The following ABAT variants were observed in gnomAD, a reference collection of about 807,000 sequenced individuals.
ABAT encodes the protein 4-aminobutyrate aminotransferase, mitochondrial.
ABAT carries 45 observed loss-of-function variants against 64.6 expected under a neutral mutation model. That is an observed-to-expected ratio of 0.70 (90% CI 0.55 to 0.89). ABAT has a LOEUF of 0.89. ABAT is among the 40% of genes least tolerant of loss of function. The pLI, the probability that ABAT is intolerant of heterozygous loss-of-function variation, is 0.00. For synonymous variants in ABAT, 297 were observed against 250.5 expected (o/e 1.19, Z -1.75); for missense variants, 633 against 658.4 (o/e 0.96, Z 0.42).
rs1036299078 is a variant in ABAT, at chr16:8,722,760, T to TC, written c.-41-12935dup. ...ACCAGGAATCCTTCACCTGCTTCTT[T>TC]CCCCAGATGCGCCCATCCAGGGTCT... On this transcript the variant is annotated intron_variant, in intron 1 of 15. Transcript: ENST00000268251. 4.0e-6 allele frequency: 5 copies of TC among 1,243,524 alleles called. No homozygotes were observed. In the Admixed American group the frequency reaches 1.2e-4, roughly 29 times the overall value. 77.0% of individuals were successfully genotyped at this position (1,243,524 alleles called of 1,614,324 possible).
At chr16:8,723,797 G>C (rs2058444507) in intron 1 of ABAT, among the ~76,000 whole-genome samples, 1 of 127,840 alleles carries the variant, frequency 7.8e-6, no homozygotes, top group African/African-American at 3.1e-5. Context: ...CAGTGGTTTG[G>C]ATCCAAGCTT....
chr16:8,770,960 T>G (rs777820282), intron 11 of ABAT, among the ~76,000 whole-genome samples: 1 of 152,210 alleles, frequency 6.6e-6, no homozygotes, highest in Non-Finnish European at 1.5e-5. Context: ...ATTCAGTTTT[T>G]GAAACACTGT....
chr16:8,763,769 A>G (rs2059862567), intron 6 of ABAT, among the ~76,000 whole-genome samples: 1 of 152,232 alleles, frequency 6.6e-6, no homozygotes. Context: ...TGCAAAAACC[A>G]GTACAAAGAG....
At position 8,759,330 on chromosome 16, in the gene ABAT, T is replaced by G. The variant is rs147085448; in HGVS notation, c.366+1524T>G. Among the ~76,000 whole-genome samples, 260 of 151,992 alleles carry G rather than the reference T, an allele frequency of 1.7e-3. 1 individual carries two copies. Among genetic ancestry groups the G allele is most frequent in the African/African-American group, 6.0e-3 (250 of 41,436 alleles). ...GTACATATGGAGTGTATCTGTGTGTTGTATTTATGTCCGTGCTTTACATGG... is the reference window on the plus strand; with the variant it reads ...GTACATATGGAGTGTATCTGTGTGTGGTATTTATGTCCGTGCTTTACATGG... On this transcript the variant is annotated intron_variant, in intron 6 of 15. Coordinates refer to ENST00000268251, the MANE Select transcript of ABAT (RefSeq NM_020686.6).
rs1388133455 is a variant in ABAT, at chr16:8,776,130, TG to T, written c.1123-212del. 6.6e-6 allele frequency among the ~76,000 whole-genome samples: 1 copy of T among 152,212 alleles called. No homozygotes were observed. Among genetic ancestry groups the T allele is most frequent in the African/African-American group, 2.4e-5 (1 of 41,456 alleles). ...CAGTTCCTACATGCAGGGCTGCTGTTGGAAGAATTCAGCAAGATTGGGTGTG... is the reference window on the plus strand; with the variant it reads ...CAGTTCCTACATGCAGGGCTGCTGTTGAAGAATTCAGCAAGATTGGGTGTG... On this transcript the variant is annotated intron_variant, in intron 13 of 15. Transcript: ENST00000268251. This position sits in a 1 kb window ranked among gnomAD's most constrained non-coding sequence, Gnocchi z 4.4.
Position 8,746,219 on chromosome 16 carries a change from C to G in ABAT, c.168+121C>G, listed in dbSNP as rs985902627. 4.1e-5 allele frequency: 33 copies of G among 795,840 alleles called. No homozygotes were observed. In the Admixed American group the frequency reaches 6.6e-4, roughly 16 times the overall value. 49.3% of individuals were successfully genotyped at this position (795,840 alleles called of 1,614,324 possible). A position where few individuals can be genotyped will look rare whatever the true frequency, so the allele number is the denominator to read the frequency against. ...TCAGCTGCTTTCAGAGAGTTCACCA[C>G]CAGAGATCTGAGATACTCAATGAGG... On this transcript the variant is annotated intron_variant, in intron 3 of 15. Coordinates refer to ENST00000268251, the MANE Select transcript of ABAT (RefSeq NM_020686.6).
chr16:8,679,032 A>G (rs1309650982), intron 1 of ABAT, among the ~76,000 whole-genome samples: 1 of 152,116 alleles, frequency 6.6e-6, no homozygotes, highest in Non-Finnish European at 1.5e-5. Flanking sequence ...AAAATGAGCA[A>G]AGTGGGCTGG....
intron 2 of ABAT, 82 bp from the exon 3 acceptor site, chr16:8,745,919 G>C: frequency 7.4e-7 from 1 of 1,346,258 alleles, no homozygotes; most frequent in Non-Finnish European, 1.1e-6. Context: ...ACCTCTGTTA[G>C]GGACATTGGG....
In ABAT at chr16:8,764,016, G is replaced by C; in HGVS notation, c.367-53G>C. 3 of 1,479,638 alleles carry C rather than the reference G, an allele frequency of 2.0e-6. No homozygotes were observed. The highest frequency in any genetic ancestry group is 1.9e-6 in the Non-Finnish European group (2 of 1,057,576). 91.7% of individuals were successfully genotyped at this position (1,479,638 alleles called of 1,614,324 possible). ...CTATGAAAAGCACCATTTGTGGGCAGGGAGCTGGGTCAGGCCCCCAGAAGT... is the reference window on the plus strand; with the variant it reads ...CTATGAAAAGCACCATTTGTGGGCACGGAGCTGGGTCAGGCCCCCAGAAGT... On this transcript the variant is annotated intron_variant, in intron 6 of 15. Transcript: ENST00000268251. The surrounding 1 kb of genome is among the most constrained non-coding windows in gnomAD (Gnocchi z 4.2).
In ABAT at chr16:8,769,121, T is replaced by C. The variant is rs2060028617; in HGVS notation, c.816+148T>C. On this transcript the variant is annotated intron_variant, in intron 11 of 15. Coordinates refer to ENST00000268251, the MANE Select transcript of ABAT (RefSeq NM_020686.6). ...GAGGGAAGCAGGGACACAGAGGCCT[T>C]GCGTCCCAAATGTTCTATGTTGGGA... 3 of 1,126,280 alleles carry C rather than the reference T, an allele frequency of 2.7e-6. No homozygotes were observed. The South Asian group carries it at 3.9e-5, about 15-fold the overall frequency. The allele number at this position is 1,126,280 out of a possible 1,614,324, so 69.8% of individuals were successfully genotyped here.
chr16:8,754,186 A>AAAAATAAAT (rs2059574844), intron 5 of ABAT, among the ~76,000 whole-genome samples: 1 of 144,746 alleles, frequency 6.9e-6, no homozygotes, highest in African/African-American at 2.5e-5. Flanking sequence ...CTATAAAAAA[A>AAAAATAAAT]AAAAAAAAAA....
chr16:8,770,503 A>G (rs1328666862), intron 11 of ABAT, among the ~76,000 whole-genome samples: 4 of 151,878 alleles, frequency 2.6e-5, no homozygotes, highest in East Asian at 1.9e-4. Context: ...CAGTGGTGCA[A>G]TCACAGCTCA....
chr16:8,674,909 C>T (rs2057159224), intron 1 of ABAT, among the ~76,000 whole-genome samples, 198 bp downstream of exon 1: 1 of 152,104 alleles, frequency 6.6e-6, no homozygotes, highest in African/African-American at 2.4e-5. Flanking sequence ...TTCCTTTCTC[C>T]TTCAGAAATG....
intron 1 of ABAT, among the ~76,000 whole-genome samples, chr16:8,719,501 G>A (rs1051907670): frequency 2.0e-5 from 3 of 152,150 alleles, no homozygotes; most frequent in African/African-American, 7.2e-5. Flanking sequence ...TGCTAGCAAC[G>A]ATGTGTTCGT....
At chr16:8,737,576 C>T (rs970709216) in intron 2 of ABAT, 6 of 151,876 alleles carry the variant, frequency 4.0e-5, no homozygotes, top group Admixed American at 1.3e-4. Flanking sequence ...TGGCCCTCAC[C>T]AGTTTCCTCC....
At chr16:8,771,005 A>G (rs907734925) in intron 11 of ABAT, among the ~76,000 whole-genome samples, 1 of 152,208 alleles carries the variant, frequency 6.6e-6, no homozygotes, top group Non-Finnish European at 1.5e-5. Context: ...TGCTCTAAAA[A>G]CAAAGAAAAA....
chr16:8,754,980 A>G, intron 5 of ABAT, among the ~76,000 whole-genome samples: 1 of 152,018 alleles, frequency 6.6e-6, no homozygotes, highest in East Asian at 1.9e-4. Context: ...CGGCCTCCCA[A>G]GTGAGATTCC....
At position 8,684,371 on chromosome 16, in the gene ABAT, A is replaced by G. The variant is rs1260119576; in HGVS notation, c.-42+9660A>G. Among the ~76,000 whole-genome samples, 4 of 152,160 alleles carry G rather than the reference A, an allele frequency of 2.6e-5. No individual in the cohort carries two copies. The East Asian group carries it at 7.7e-4, about 29-fold the overall frequency. ...GTGGATCACTTGAACCCAGGAGTTC[A>G]AGACCAGCCTGGCCAACATGGCCAA... On this transcript the variant is annotated intron_variant, in intron 1 of 15. Transcript: ENST00000268251.
chr16:8,691,058 A>C (rs1446364565), intron 1 of ABAT, among the ~76,000 whole-genome samples: 1 of 152,116 alleles, frequency 6.6e-6, no homozygotes, highest in East Asian at 1.9e-4. Context: ...GAAAAAAAAA[A>C]ACCCTGAAAA....
Sources: gnomAD v4.1 joint callset for allele counts (sites outside exome capture counted in the v4.1 genomes callset) on GRCh38, gnomAD v4.1.1 for gene constraint, Gnocchi (gnomAD v3.1) non-coding constraint, MANE v1.5 for transcripts, NCBI Gene and HGNC (gene_info 2026-07-23, HGNC 2026-07-21) for gene names.